GSE1: variants seen among roughly 807,000 people sequenced by gnomAD.
The protein encoded by GSE1 is genetic suppressor element 1.
GSE1 carries 32 observed loss-of-function variants against 112.6 expected under a neutral mutation model. That is an observed-to-expected ratio of 0.28 (90% CI 0.21 to 0.38). GSE1 has a LOEUF of 0.38. Among genes scored for constraint, GSE1 ranks in the 10% least tolerant of loss-of-function variants. The pLI is 1.00. For synonymous variants in GSE1, 1,115 were observed against 735.6 expected, an observed-to-expected ratio of 1.52 and a Z score of -8.35; for missense variants, 2,348 against 1,699.2, an observed-to-expected ratio of 1.38 and a Z score of -6.71.
chr16:85,246,452 CA>C lies in GSE1; in HGVS notation c.2283+74646del, dbSNP rs1597179681. 5.5e-5 allele frequency among the ~76,000 whole-genome samples: 6 copies of C among 109,824 alleles called. No individual in the cohort carries two copies. The East Asian group carries it at 1.1e-3, about 19-fold the overall frequency. The allele number at this position is 109,824 out of a possible 152,430, so 72.0% of individuals were successfully genotyped here. On this transcript the variant is annotated intron_variant, in intron 1 of 2. Coordinates refer to the GSE1 transcript ENST00000637419. ...TGCTCTCTACACACACACACACACA[CA>C]CACACACCCCACACGCTGCACACAC...
chr16:85,233,295 G>C (rs754738848), intron 1 of GSE1, among the ~76,000 whole-genome samples: 15 of 152,240 alleles, frequency 9.9e-5, no homozygotes, highest in Non-Finnish European at 1.9e-4. Flanking sequence ...CACCCACCAG[G>C]TGTTTGCGTG....
intron 1 of GSE1, among the ~76,000 whole-genome samples, chr16:85,198,063 C>A (rs563810971): frequency 6.6e-6 from 1 of 152,222 alleles, no homozygotes; most frequent in Non-Finnish European, 1.5e-5. Context: ...CAGAGGGTGG[C>A]CAGGACGTGC....
At chr16:85,551,203 C>T (rs1030327919), upstream of GSE1, among the ~76,000 whole-genome samples, 1 of 152,212 alleles carries the variant, frequency 6.6e-6, no homozygotes, top group African/African-American at 2.4e-5. Flanking sequence ...AGAGCATTGC[C>T]ACCACCAGGC....
intron 1 of GSE1, among the ~76,000 whole-genome samples, chr16:85,215,298 A>G (rs1053882994): frequency 9.2e-5 from 14 of 152,222 alleles, no homozygotes; most frequent in African/African-American, 3.4e-4. Flanking sequence ...GAAGTAACAT[A>G]GGAATGGAAA....
intron 2 of GSE1, among the ~76,000 whole-genome samples, chr16:85,486,457 G>A (rs2050842854): frequency 3.9e-5 from 6 of 152,236 alleles, no homozygotes. Flanking sequence ...GGCATGGCAG[G>A]CATCAAAAAG....
chr16:85,671,247 C>T (rs1317566617), intron 15 of GSE1, 149 bp downstream of exon 15: 16 of 508,322 alleles, frequency 3.1e-5, no homozygotes, highest in African/African-American at 1.2e-4. Flanking sequence ...GAGACCATCC[C>T]GGCTAAAACG....
chr16:85,254,203 G>C (rs747487284), intron 1 of GSE1, among the ~76,000 whole-genome samples: 7 of 152,358 alleles, frequency 4.6e-5, no homozygotes, highest in Non-Finnish European at 8.8e-5. Flanking sequence ...GAGAGGTCAA[G>C]TGACTAGCCT....
intron 2 of GSE1, among the ~76,000 whole-genome samples, chr16:85,641,318 A>G (rs1269872695): frequency 3.3e-5 from 5 of 152,220 alleles, no homozygotes; most frequent in African/African-American, 1.2e-4. Flanking sequence ...CGCCCCCGGC[A>G]AAACGCATCT....
intron 2 of GSE1, among the ~76,000 whole-genome samples, chr16:85,374,392 TTGTG>T (rs971627492): frequency 3.3e-5 from 5 of 150,996 alleles, no homozygotes; most frequent in Admixed American, 2.0e-4. Context: ...ATGTGTGTGG[TTGTG>T]TGTGGCCCTC....
chr16:85,621,554 C>T (rs936122036), intron 1 of GSE1, among the ~76,000 whole-genome samples: 1 of 152,176 alleles, frequency 6.6e-6, no homozygotes, highest in African/African-American at 2.4e-5. Context: ...AGCAGGGATG[C>T]CAGACCCCTG....
chr16:85,368,385 G>C (rs963920254), intron 2 of GSE1, among the ~76,000 whole-genome samples: 2 of 152,246 alleles, frequency 1.3e-5, no homozygotes, highest in East Asian at 3.9e-4. Flanking sequence ...CAACTGATTA[G>C]ATCAGCCCTA....
chr16:85,614,658 G>C (rs984233129), intron 1 of GSE1, among the ~76,000 whole-genome samples: 3 of 152,196 alleles, frequency 2.0e-5, no homozygotes, highest in African/African-American at 7.2e-5. Context: ...AGCACCTGCC[G>C]GGTTCCCAGC....
intron 2 of GSE1, among the ~76,000 whole-genome samples, chr16:85,489,526 A>G (rs2050943836): frequency 1.3e-5 from 2 of 151,964 alleles, no homozygotes; most frequent in African/African-American, 2.4e-5. Flanking sequence ...GGACCCAGAC[A>G]CACAGCCAGT....
At chr16:85,445,355 A>T (rs2049483079) in intron 2 of GSE1, among the ~76,000 whole-genome samples, 1 of 152,214 alleles carries the variant, frequency 6.6e-6, no homozygotes, top group African/African-American at 2.4e-5. Flanking sequence ...AAGGAGGCAG[A>T]CCGTGAACAT....
chr16:85,289,811 C>T (rs141172131), intron 1 of GSE1, among the ~76,000 whole-genome samples: 312 of 152,264 alleles, frequency 2.0e-3, no homozygotes, highest in African/African-American at 7.3e-3. Flanking sequence ...GCCTCTGGCT[C>T]ACAGGCTGGG....
chr16:85,539,910 G>C (rs1052446743), intron 2 of GSE1, among the ~76,000 whole-genome samples: 1 of 152,188 alleles, frequency 6.6e-6, no homozygotes, highest in African/African-American at 2.4e-5. Context: ...CCTGGCCCTC[G>C]TGGGGCCTGT....
At chr16:85,297,587 CCT>C (rs1380049645) in intron 1 of GSE1, among the ~76,000 whole-genome samples, 1 of 152,144 alleles carries the variant, frequency 6.6e-6, no homozygotes, top group Non-Finnish European at 1.5e-5. Context: ...GCAGCCTCCA[CCT>C]CTCAGGCTCA....
rs114867064 is a variant in GSE1, at chr16:85,182,185, C to T, written c.2283+10378C>T. Among the ~76,000 whole-genome samples the T allele has an allele frequency of 5.2e-3, 793 of 152,272 alleles. 2 individuals carry two copies. The highest frequency in any genetic ancestry group is 0.018 in the African/African-American group (746 of 41,564). ...TCCCCGCCCCCCGCTGCCAGGAGTC[C>T]GGGTAGTCTGGGCTCCTGTGGGGGG... On this transcript the variant is annotated intron_variant, in intron 1 of 2. Coordinates refer to the GSE1 transcript ENST00000637419.
intron 2 of GSE1, among the ~76,000 whole-genome samples, chr16:85,413,255 G>A (rs1337248404): frequency 6.6e-6 from 1 of 152,230 alleles, no homozygotes; most frequent in Non-Finnish European, 1.5e-5. Flanking sequence ...CCACGAGAGT[G>A]TGGGACACGG....
Sources: gnomAD v4.1 joint callset for allele counts (sites outside exome capture counted in the v4.1 genomes callset) on GRCh38, gnomAD v4.1.1 for gene constraint, MANE v1.5 for transcripts, NCBI Gene and HGNC (gene_info 2026-07-23, HGNC 2026-07-21) for gene names.